LRMDA: variants seen among roughly 807,000 people sequenced by gnomAD.
The protein encoded by LRMDA is leucine-rich melanocyte differentiation-associated protein.
In LRMDA, 18 loss-of-function variants were observed where a neutral mutation model predicts 29.8. That is an observed-to-expected ratio of 0.60 (90% confidence interval 0.42 to 0.90). The LOEUF (loss-of-function observed/expected upper bound fraction) is 0.90. Among genes scored for constraint, LRMDA ranks in the 40% least tolerant of loss-of-function variants. The pLI, the probability that LRMDA is intolerant of heterozygous loss-of-function variation, is 0.00. For synonymous variants in LRMDA, 125 were observed against 109.4 expected, an observed-to-expected ratio of 1.14 and a Z score of -0.89; for missense variants, 273 against 273.9, an observed-to-expected ratio of 1.00 and a Z score of 0.02.
chr10:75,440,526 A>G (rs1844314085), intron 2 of LRMDA, among the ~76,000 whole-genome samples: 1 of 152,032 alleles, frequency 6.6e-6, no homozygotes, highest in Non-Finnish European at 1.5e-5. Flanking sequence ...CAGAATGGAG[A>G]AAAGCACTCC....
At chr10:76,223,232 AT>A (rs1851881864) in intron 5 of LRMDA, among the ~76,000 whole-genome samples, 1 of 152,050 alleles carries the variant, frequency 6.6e-6, no homozygotes, top group South Asian at 2.1e-4. Context: ...TAACCTGCAC[AT>A]TGTGCACATG....
Position 76,555,303 on chromosome 10 carries a change from AG to A in LRMDA, c.602-1903del, listed in dbSNP as rs150010627. ...TAAAAGAATAATTTAGGTCCCAAGA[AG>A]GGTCTCAGTGAGGTTCCATCCAAGC... On this transcript the variant is annotated intron_variant, in intron 6 of 6. Coordinates refer to ENST00000611255, the MANE Select transcript of LRMDA (RefSeq NM_001305581.2). 9.9e-3 allele frequency among the ~76,000 whole-genome samples: 1,514 copies of A among 152,296 alleles called. 22 individuals are homozygous for A. The highest frequency in any genetic ancestry group is 0.033 in the African/African-American group (1,375 of 41,552).
intron 5 of LRMDA, among the ~76,000 whole-genome samples, chr10:76,308,966 T>C (rs1190862648): frequency 2.0e-5 from 3 of 152,062 alleles, no homozygotes; most frequent in Non-Finnish European, 4.4e-5. Context: ...GATCAAAGAA[T>C]GGCATTTCAG....
intron 2 of LRMDA, among the ~76,000 whole-genome samples, chr10:75,898,893 T>C (rs76544144): frequency 0.03 from 4,635 of 152,226 alleles, 129 homozygotes; most frequent in South Asian, 0.081. Context: ...TGTGGTGGGA[T>C]TTTTGGACTA....
rs564131591 is a variant in LRMDA, at chr10:76,168,612, C to A, written c.516+109829C>A. On this transcript the variant is annotated intron_variant, in intron 5 of 6. Transcript: ENST00000611255. ...TTAGGTAGTTCAAGGGTAAAGATAGCAAAAAAAGGAAAGGAAAGGGGATGA... is the reference window on the plus strand; with the variant it reads ...TTAGGTAGTTCAAGGGTAAAGATAGAAAAAAAAGGAAAGGAAAGGGGATGA... 2.7e-5 allele frequency among the ~76,000 whole-genome samples: 4 copies of A among 149,048 alleles called. No homozygotes were observed. The South Asian group carries it at 6.3e-4, about 24-fold the overall frequency.
intron 2 of LRMDA, among the ~76,000 whole-genome samples, chr10:76,018,867 G>GC (rs1847924462): frequency 6.6e-6 from 1 of 152,124 alleles, no homozygotes; most frequent in African/African-American, 2.4e-5. Flanking sequence ...ACCGTGCCTG[G>GC]CCCTGGAGAC....
chr10:76,291,362 G>A (rs1840337905), intron 5 of LRMDA, among the ~76,000 whole-genome samples: 1 of 152,170 alleles, frequency 6.6e-6, no homozygotes, highest in Non-Finnish European at 1.5e-5. Context: ...AATTTAAAAT[G>A]TCATCTCAAT....
chr10:75,667,860 T>C (rs59689462), intron 2 of LRMDA, among the ~76,000 whole-genome samples: 7,263 of 152,320 alleles, frequency 0.048, 457 homozygotes, highest in African/African-American at 0.15. Flanking sequence ...AAAGCAGAGT[T>C]TTTCTGGACT....
intron 2 of LRMDA, among the ~76,000 whole-genome samples, chr10:75,545,305 C>T (rs913497080): frequency 3.3e-5 from 5 of 152,024 alleles, no homozygotes; most frequent in African/African-American, 4.8e-5. Flanking sequence ...TCAAGTGTTA[C>T]GGAGAGTTTG....
chr10:75,881,466 TACTCCC>T (rs889789209), intron 2 of LRMDA, among the ~76,000 whole-genome samples: 1 of 152,110 alleles, frequency 6.6e-6, no homozygotes, highest in Non-Finnish European at 1.5e-5. Flanking sequence ...GACGAGAGGC[TACTCCC>T]TTTGCAAATC....
intron 2 of LRMDA, among the ~76,000 whole-genome samples, chr10:75,504,097 C>T (rs975263195): frequency 6.6e-6 from 1 of 151,038 alleles, no homozygotes; most frequent in Non-Finnish European, 1.5e-5. Context: ...CTCACTGCAG[C>T]CTTGACCTTC....
At chr10:75,793,705 C>G (rs1022679441) in intron 2 of LRMDA, among the ~76,000 whole-genome samples, 7 of 152,166 alleles carry the variant, frequency 4.6e-5, no homozygotes, top group East Asian at 3.9e-4. Context: ...AGAGCTTGCT[C>G]TTTTCCCTCT....
chr10:75,653,761 T>A (rs1448262250), intron 2 of LRMDA, among the ~76,000 whole-genome samples: 1 of 152,226 alleles, frequency 6.6e-6, no homozygotes, highest in East Asian at 1.9e-4. Flanking sequence ...AAGTATGATC[T>A]TATACTTGTG....
chr10:75,740,919 A>G lies in LRMDA; in HGVS notation c.132-295089A>G, dbSNP rs1842821066. 2.6e-5 allele frequency among the ~76,000 whole-genome samples: 4 copies of G among 152,108 alleles called. No homozygotes were observed. The South Asian group carries it at 6.2e-4, about 24-fold the overall frequency. ...TCTTTTAGAAGCCTGTCATTCATAT[A>G]TATATATATATGGAATTTATGTTAA... On this transcript the variant is annotated intron_variant, in intron 2 of 6. Coordinates refer to ENST00000611255, the MANE Select transcript of LRMDA (RefSeq NM_001305581.2).
chr10:75,748,012 C>T (rs1463134738), intron 2 of LRMDA, among the ~76,000 whole-genome samples: 5 of 152,124 alleles, frequency 3.3e-5, no homozygotes, highest in African/African-American at 4.8e-5. Context: ...TCTGCACAGG[C>T]GACCATCTTC....
intron 2 of LRMDA, among the ~76,000 whole-genome samples, chr10:75,872,457 C>T (rs1845130088): frequency 6.6e-6 from 1 of 152,132 alleles, no homozygotes; most frequent in Non-Finnish European, 1.5e-5. Context: ...TTGTGTGCCA[C>T]CATGCCTGGT....
chr10:76,054,069 A>G (rs538644705), intron 4 of LRMDA, among the ~76,000 whole-genome samples: 1 of 152,144 alleles, frequency 6.6e-6, no homozygotes, highest in Non-Finnish European at 1.5e-5. Flanking sequence ...CATTGCTTTT[A>G]TCTCCTCATG....
chr10:75,697,679 G>T (rs1043165016), intron 2 of LRMDA, among the ~76,000 whole-genome samples: 1 of 152,018 alleles, frequency 6.6e-6, no homozygotes, highest in Non-Finnish European at 1.5e-5. Context: ...CCATTTTAAG[G>T]ACCTTATCAG....
At chr10:76,530,135 A>G (rs1843218619) in intron 6 of LRMDA, among the ~76,000 whole-genome samples, 1 of 152,174 alleles carries the variant, frequency 6.6e-6, no homozygotes, top group African/African-American at 2.4e-5. Context: ...TGGACATGCC[A>G]TTTAAAGGTC....
Sources: gnomAD v4.1 joint callset for allele counts (sites outside exome capture counted in the v4.1 genomes callset) on GRCh38, gnomAD v4.1.1 for gene constraint, MANE v1.5 for transcripts, NCBI Gene and HGNC (gene_info 2026-07-23, HGNC 2026-07-21) for gene names.